The following ITGA11 variants were observed in gnomAD, a reference collection of about 807,000 sequenced individuals.
ITGA11 encodes integrin subunit alpha 11.
A neutral mutation model predicts 141.9 loss-of-function variants in ITGA11; 97 were observed. That is an observed-to-expected ratio of 0.68 (90% confidence interval 0.58 to 0.81). The LOEUF is 0.81. Among genes scored for constraint, ITGA11 ranks in the 30% least tolerant of loss-of-function variants. The pLI is 0.00. For synonymous variants in ITGA11, 658 were observed against 624.6 expected, an observed-to-expected ratio of 1.05 and a Z score of -0.80; for missense variants, 1,387 against 1,559.2, an observed-to-expected ratio of 0.89 and a Z score of 1.86.
chr15:68,352,413 G>C (rs1007594119), intron 7 of ITGA11, among the ~76,000 whole-genome samples: 1 of 151,940 alleles, frequency 6.6e-6, no homozygotes, highest in South Asian at 2.1e-4. Flanking sequence ...GTCTGGTCTC[G>C]AACTCCTGGC....
At position 68,313,767 on chromosome 15, in the gene ITGA11, A is replaced by G. The variant is rs1416630812; in HGVS notation, c.2882+12T>C. 5 of 1,612,212 alleles carry G rather than the reference A, an allele frequency of 3.1e-6. No homozygotes were observed. In the Admixed American group the frequency reaches 6.7e-5, roughly 22 times the overall value. ...GCCTTCCCTCTCCTGGGGCCCCCGG[A>G]GCCCGGCCCACCTGGTGAAGAGGAC... On this transcript the variant is annotated intron_variant, in intron 23 of 29. Coordinates refer to ENST00000315757, the MANE Select transcript of ITGA11 (RefSeq NM_001004439.2).
In ITGA11 at chr15:68,379,159, C is replaced by T. The variant is rs139548500; in HGVS notation, c.165-9875G>A. On this transcript the variant is annotated intron_variant, in intron 2 of 29. Coordinates refer to ENST00000315757, the MANE Select transcript of ITGA11 (RefSeq NM_001004439.2). Reference sequence around the variant, plus strand: ...CACGCGGCTGCTCGTCTATCCGTTTCTCAACATTGCCTGCACTCTCTCCTT... The same window carrying T: ...CACGCGGCTGCTCGTCTATCCGTTTTTCAACATTGCCTGCACTCTCTCCTT... Among the ~76,000 whole-genome samples, 229 of 152,338 alleles carry T rather than the reference C, an allele frequency of 1.5e-3. 1 individual carries two copies. The highest frequency in any genetic ancestry group is 5.3e-3 in the African/African-American group (222 of 41,576).
chr15:68,352,593 A>G (rs987874821), intron 7 of ITGA11, among the ~76,000 whole-genome samples: 4 of 152,246 alleles, frequency 2.6e-5, no homozygotes. Context: ...GCATCCAGAC[A>G]ACACTAACCC....
At chr15:68,370,494 G>A (rs72743278) in intron 2 of ITGA11, among the ~76,000 whole-genome samples, 30,216 of 152,194 alleles carry the variant, frequency 0.2, 3,354 homozygotes, top group African/African-American at 0.26. Context: ...GGGGCCCAGA[G>A]TGTCCCAGGA....
Position 68,326,938 on chromosome 15 carries a change from T to C in ITGA11, c.2069-142A>G. ...ACGAGCCCCAGTGTGGGTGAGAAACTCCCACATGGAGAGCAAGTGATTGCA... is the reference window on the plus strand; with the variant it reads ...ACGAGCCCCAGTGTGGGTGAGAAACCCCCACATGGAGAGCAAGTGATTGCA... On this transcript the variant is annotated intron_variant, in intron 16 of 29. Transcript: ENST00000315757. The surrounding 1 kb of genome is among the most constrained non-coding windows in gnomAD (Gnocchi z 6.8). The C allele has an allele frequency of 1.2e-6, 1 of 835,568 alleles. No individual in the cohort carries two copies. The highest frequency in any genetic ancestry group is 1.8e-6 in the Non-Finnish European group (1 of 553,630). 51.8% of individuals were successfully genotyped at this position (835,568 alleles called of 1,614,324 possible).
intron 23 of ITGA11, 56 bp downstream of exon 23, chr15:68,313,723 C>T (rs964012523): frequency 1.4e-6 from 2 of 1,391,208 alleles, no homozygotes; most frequent in Admixed American, 3.6e-5. Context: ...CCTTAGGCCT[C>T]CCTCCTCCCA....
intron 1 of ITGA11, among the ~76,000 whole-genome samples, chr15:68,431,139 G>A (rs58748900): frequency 3.9e-5 from 6 of 152,236 alleles, no homozygotes; most frequent in African/African-American, 1.2e-4. Flanking sequence ...GAGCCGGGGA[G>A]CCCGGTGTGG....
Position 68,328,390 on chromosome 15 carries a change from A to G in ITGA11, c.1902-128T>C, listed in dbSNP as rs1213701061. On this transcript the variant is annotated intron_variant, in intron 15 of 29. Coordinates refer to ENST00000315757, the MANE Select transcript of ITGA11 (RefSeq NM_001004439.2). The surrounding 1 kb of genome is among the most constrained non-coding windows in gnomAD (Gnocchi z 4.8). ...GCCACTGGAGGGGGTGAGGTGGAGGATGGAGGGGGCGAGGTGGAGGATGGA... is the reference window on the plus strand; with the variant it reads ...GCCACTGGAGGGGGTGAGGTGGAGGGTGGAGGGGGCGAGGTGGAGGATGGA... 8.8e-6 allele frequency: 3 copies of G among 342,284 alleles called. No homozygotes were observed. Among genetic ancestry groups the G allele is most frequent in the Non-Finnish European group, 1.6e-5 (3 of 191,370 alleles). 21.2% of individuals were successfully genotyped at this position (342,284 alleles called of 1,614,324 possible).
chr15:68,367,500 C>T (rs1260330707), intron 3 of ITGA11, among the ~76,000 whole-genome samples: 4 of 152,186 alleles, frequency 2.6e-5, no homozygotes, highest in African/African-American at 9.7e-5. Context: ...TCAGAGAAGC[C>T]TTCCCTGATC....
chr15:68,386,000 C>T (rs1363350514), intron 2 of ITGA11, among the ~76,000 whole-genome samples: 1 of 152,164 alleles, frequency 6.6e-6, no homozygotes, highest in Non-Finnish European at 1.5e-5. Context: ...TCTGTCCCTC[C>T]CCAGCCCACC....
intron 10 of ITGA11, among the ~76,000 whole-genome samples, chr15:68,342,493 C>A (rs1485009104): frequency 6.6e-6 from 1 of 152,246 alleles, no homozygotes; most frequent in African/African-American, 2.4e-5. Context: ...CTAGCACCTG[C>A]AGTGTGTGTA....
intron 1 of ITGA11, among the ~76,000 whole-genome samples, chr15:68,423,743 G>C (rs745964265): frequency 5.9e-5 from 9 of 152,140 alleles, no homozygotes; most frequent in African/African-American, 1.9e-4. Context: ...ACCTGAGCTG[G>C]GGACCTCAGG....
At position 68,300,764 on chromosome 15, in the gene ITGA11, G is replaced by A. The variant is rs938558611; in HGVS notation, c.*2295C>T. 1.3e-5 allele frequency: 2 copies of A among 152,100 alleles called. No individual in the cohort carries two copies. The highest frequency in any genetic ancestry group is 4.8e-5 in the African/African-American group (2 of 41,406). The allele number at this position is 152,100 out of a possible 1,614,324, so 9.4% of individuals were successfully genotyped here. On this transcript the variant is annotated 3_prime_UTR_variant, in exon 30 of 30. Transcript: ENST00000315757. ...ATAAGGGCTGCTTGCCTCTGACCGAGAGTCCAGAGGTTGCAATTCAGTGAC... is the reference window on the plus strand; with the variant it reads ...ATAAGGGCTGCTTGCCTCTGACCGAAAGTCCAGAGGTTGCAATTCAGTGAC...
chr15:68,327,545 C>G (rs1212590955), intron 16 of ITGA11, among the ~76,000 whole-genome samples: 4 of 152,152 alleles, frequency 2.6e-5, no homozygotes, highest in African/African-American at 9.7e-5. Context: ...CACAGACAGT[C>G]CTGGAACCCG....
At chr15:68,377,311 GC>G (rs1895753126) in intron 2 of ITGA11, among the ~76,000 whole-genome samples, 1 of 152,076 alleles carries the variant, frequency 6.6e-6, no homozygotes, top group African/African-American at 2.4e-5. Flanking sequence ...TCGCTCTGTT[GC>G]CCCGGCTGGA....
At chr15:68,365,634 ATGCAG>A (rs1895396793) in intron 3 of ITGA11, 1 of 151,970 alleles carries the variant, frequency 6.6e-6, no homozygotes, top group Non-Finnish European at 1.5e-5. Flanking sequence ...AAGCCCTAAT[ATGCAG>A]TGTGGACAGC....
intron 14 of ITGA11, among the ~76,000 whole-genome samples, chr15:68,331,354 T>C (rs146144098): frequency 2.6e-5 from 4 of 152,322 alleles, no homozygotes; most frequent in Admixed American, 2.6e-4. Flanking sequence ...TGTAAATACA[T>C]GTTACTTGGA....
chr15:68,341,613 C>G (rs1221549340), intron 10 of ITGA11, among the ~76,000 whole-genome samples: 1 of 152,216 alleles, frequency 6.6e-6, no homozygotes, highest in East Asian at 1.9e-4. Context: ...TCCACCTGAA[C>G]CCTCCTGAGG....
At chr15:68,344,452 C>A (rs943680222) in intron 10 of ITGA11, among the ~76,000 whole-genome samples, 3 of 152,122 alleles carry the variant, frequency 2.0e-5, no homozygotes, top group African/African-American at 7.2e-5. Flanking sequence ...AGAACCTTAG[C>A]GAATAGCCAA....
Sources: allele counts gnomAD v4.1 joint callset (sites outside exome capture counted in the v4.1 genomes callset), GRCh38; gene constraint gnomAD v4.1.1; non-coding constraint Gnocchi (gnomAD v3.1); transcripts MANE v1.5; gene names NCBI Gene and HGNC (gene_info 2026-07-23, HGNC 2026-07-21).